The following NRXN3 variants were observed in gnomAD, a reference collection of about 807,000 sequenced individuals.
NRXN3 encodes the protein neurexin III.
Under a neutral mutation model 137.6 loss-of-function variants are expected in NRXN3, and 32 were observed. The ratio of observed to expected loss-of-function variants is 0.23; its 90% CI spans 0.18 to 0.31. NRXN3 has a LOEUF of 0.31. NRXN3 is among the 10% of genes least tolerant of loss of function. The pLI is 1.00. For synonymous variants in NRXN3, 798 were observed against 784.5 expected, an observed-to-expected ratio of 1.02 and a Z score of -0.29; for missense variants, 1,574 against 2,062.5, an observed-to-expected ratio of 0.76 and a Z score of 4.59.
intron 19 of NRXN3, among the ~76,000 whole-genome samples, chr14:79,706,250 T>C (rs777948676): frequency 3.3e-5 from 5 of 152,312 alleles, no homozygotes; most frequent in African/African-American, 4.8e-5. Context: ...CTAGCACGTA[T>C]AGTTTTCAAA....
At chr14:79,834,307 C>G (rs905104469) in intron 20 of NRXN3, among the ~76,000 whole-genome samples, 2 of 152,002 alleles carry the variant, frequency 1.3e-5, no homozygotes, top group East Asian at 3.9e-4. Flanking sequence ...CATTTTCTTA[C>G]TTCTGTTTCT....
intron 15 of NRXN3, among the ~76,000 whole-genome samples, chr14:79,002,803 C>A (rs2099544338): frequency 6.6e-6 from 1 of 152,126 alleles, no homozygotes; most frequent in Admixed American, 6.5e-5. Context: ...CACCGTCTTC[C>A]ACAATGGTTA....
intron 14 of NRXN3, among the ~76,000 whole-genome samples, chr14:78,972,687 C>T (rs2099447164): frequency 6.6e-6 from 1 of 152,172 alleles, no homozygotes; most frequent in African/African-American, 2.4e-5. Context: ...TGTCCCTGGT[C>T]TGCGCGTCCC....
chr14:79,803,257 G>A (rs962976882), intron 19 of NRXN3, among the ~76,000 whole-genome samples: 26 of 152,006 alleles, frequency 1.7e-4, no homozygotes, highest in Non-Finnish European at 2.6e-4. Context: ...AAAAAAGGAT[G>A]TTTTCTGGAA....
intron 15 of NRXN3, among the ~76,000 whole-genome samples, chr14:79,066,530 A>G (rs917863388): frequency 1.3e-5 from 2 of 152,036 alleles, no homozygotes; most frequent in East Asian, 1.9e-4. Context: ...AAGAATGTCA[A>G]TGGTAGTTTA....
At chr14:78,603,179 G>A (rs1053556411) in intron 4 of NRXN3, among the ~76,000 whole-genome samples, 1 of 152,044 alleles carries the variant, frequency 6.6e-6, no homozygotes, top group African/African-American at 2.4e-5. Flanking sequence ...TTTCCCCAGG[G>A]TTCCCAAAGG....
At chr14:79,752,752 A>G (rs2099002704) in intron 19 of NRXN3, among the ~76,000 whole-genome samples, 1 of 152,138 alleles carries the variant, frequency 6.6e-6, no homozygotes, top group Non-Finnish European at 1.5e-5. Flanking sequence ...TCTGCACAGC[A>G]GAAGAAACTA....
At chr14:78,916,713 G>A (rs1053586207) in intron 10 of NRXN3, among the ~76,000 whole-genome samples, 6 of 152,200 alleles carry the variant, frequency 3.9e-5, no homozygotes, top group African/African-American at 7.2e-5. Flanking sequence ...CATACCTCAC[G>A]TACTAGTTTA....
At chr14:78,824,719 A>T (rs1035340649) in intron 10 of NRXN3, among the ~76,000 whole-genome samples, 6 of 152,190 alleles carry the variant, frequency 3.9e-5, no homozygotes, top group East Asian at 3.9e-4. Context: ...AATTTAAATT[A>T]AAAAAATGTG....
intron 15 of NRXN3, among the ~76,000 whole-genome samples, chr14:79,228,356 T>TAA (rs5809930): frequency 3.3e-5 from 5 of 151,622 alleles, no homozygotes; most frequent in South Asian, 2.1e-4. Flanking sequence ...TTTCAAAATC[T>TAA]AAAAAAAAAT....
At chr14:79,143,282 ATC>A (rs1158785477) in intron 15 of NRXN3, among the ~76,000 whole-genome samples, 8 of 152,212 alleles carry the variant, frequency 5.3e-5, no homozygotes, top group Admixed American at 1.3e-4. Flanking sequence ...GGATTTTCCT[ATC>A]TCTGTTTCAA....
chr14:78,764,861 A>G (rs1294346051), intron 8 of NRXN3, among the ~76,000 whole-genome samples: 1 of 152,208 alleles, frequency 6.6e-6, no homozygotes, highest in African/African-American at 2.4e-5. Context: ...TGATCAGTCT[A>G]TTTGGCTAAG....
chr14:78,710,292 A>G (rs1277376104), intron 7 of NRXN3, among the ~76,000 whole-genome samples: 1 of 136,780 alleles, frequency 7.3e-6, no homozygotes, highest in Non-Finnish European at 1.5e-5. Context: ...TTTTGTTTAA[A>G]TGGCTTTGTT....
chr14:79,563,542 T>C (rs1402489915), intron 16 of NRXN3, among the ~76,000 whole-genome samples: 2 of 152,040 alleles, frequency 1.3e-5, no homozygotes, highest in African/African-American at 4.8e-5. Flanking sequence ...TTGACAGGGA[T>C]TAACTTTAAT....
At chr14:79,323,679 G>T (rs1011251740) in intron 15 of NRXN3, among the ~76,000 whole-genome samples, 1 of 151,970 alleles carries the variant, frequency 6.6e-6, no homozygotes, top group African/African-American at 2.4e-5. Context: ...CCAATGTGGT[G>T]AAACCCCATC....
intron 1 of NRXN3, among the ~76,000 whole-genome samples, chr14:78,190,005 C>T (rs1042034657): frequency 6.6e-6 from 1 of 152,234 alleles, no homozygotes; most frequent in Admixed American, 6.5e-5. Flanking sequence ...GTTTATTTTG[C>T]TTATCACTTG....
At chr14:79,234,182 C>T (rs954537608) in intron 15 of NRXN3, among the ~76,000 whole-genome samples, 2 of 150,266 alleles carry the variant, frequency 1.3e-5, no homozygotes, top group South Asian at 4.2e-4. Context: ...CTTGAGGTCT[C>T]ACTAAGAGAA....
At chr14:78,311,843 A>G (rs2078017434) in intron 4 of NRXN3, among the ~76,000 whole-genome samples, 1 of 152,194 alleles carries the variant, frequency 6.6e-6, no homozygotes, top group African/African-American at 2.4e-5. Flanking sequence ...CTTTTAAAAA[A>G]TGCTGATTTG....
chr14:79,839,622 T>C (rs1409895191), intron 20 of NRXN3, among the ~76,000 whole-genome samples: 1 of 152,212 alleles, frequency 6.6e-6, no homozygotes. Context: ...TTGTTTCCTT[T>C]AGTGTGCAGA....
Sources: gnomAD v4.1 joint callset for allele counts (sites outside exome capture counted in the v4.1 genomes callset) on GRCh38, gnomAD v4.1.1 for gene constraint, MANE v1.5 for transcripts, NCBI Gene and HGNC (gene_info 2026-07-23, HGNC 2026-07-21) for gene names.